GRIA1: variants seen among roughly 807,000 people sequenced by gnomAD.
The protein encoded by GRIA1 is glutamate receptor 1.
A neutral mutation model predicts 99.2 loss-of-function variants in GRIA1; 31 were observed. That is an observed-to-expected ratio of 0.31 (90% CI 0.23 to 0.42). GRIA1 has a LOEUF of 0.42. GRIA1 is among the 10% of genes least tolerant of loss of function. The pLI is 1.00. For synonymous variants in GRIA1, 438 were observed against 432.4 expected, an observed-to-expected ratio of 1.01 and a Z score of -0.16; for missense variants, 782 against 1,157.5, an observed-to-expected ratio of 0.68 and a Z score of 4.71.
chr5:153,754,880 G>A (rs1284049043), intron 11 of GRIA1, among the ~76,000 whole-genome samples: 1 of 152,122 alleles, frequency 6.6e-6, no homozygotes, highest in Non-Finnish European at 1.5e-5. Context: ...TGGTGTAAGG[G>A]AAAAAAGACA....
At chr5:153,779,804 T>C (rs1053620229) in intron 13 of GRIA1, among the ~76,000 whole-genome samples, 1 of 152,108 alleles carries the variant, frequency 6.6e-6, no homozygotes, top group South Asian at 2.1e-4. Flanking sequence ...TCATGATCCA[T>C]CCGCCTCGGC....
At chr5:153,777,910 A>T (rs1764366497) in intron 13 of GRIA1, among the ~76,000 whole-genome samples, 1 of 152,160 alleles carries the variant, frequency 6.6e-6, no homozygotes, top group Non-Finnish European at 1.5e-5. Flanking sequence ...AGTCCCTTTC[A>T]ATTAGTCCTT....
intron 11 of GRIA1, among the ~76,000 whole-genome samples, chr5:153,747,892 A>AAAT (rs1243148519): frequency 1.3e-5 from 2 of 152,314 alleles, no homozygotes; most frequent in East Asian, 3.9e-4. Context: ...CTCTTCTATT[A>AAAT]AATTGATTTT....
rs545158298 is a variant in GRIA1 at position 153,534,271 on chromosome 5, G to T, written c.220+40206G>T. Among the ~76,000 whole-genome samples, 257 of 152,288 alleles carry T rather than the reference G, an allele frequency of 1.7e-3. 2 individuals are homozygous for T. The highest frequency in any genetic ancestry group is 5.7e-3 in the African/African-American group (235 of 41,560). ...TCAGCTTGTCTTGCTGAACAGTCAG[G>T]TTACTTTCCCTCAGTATTTGATGCC... On this transcript the variant is annotated intron_variant, in intron 2 of 15. Coordinates refer to ENST00000285900, the MANE Select transcript of GRIA1 (RefSeq NM_000827.4).
At position 153,800,493 on chromosome 5, in the gene GRIA1, T is replaced by G. The variant is rs72804632; in HGVS notation, c.2386-1863T>G. ...GCACATTACCCTTATCAGGCCATTA[T>G]AGAAGAGCAGGAGAAATTTTGCCCC... On this transcript the variant is annotated intron_variant, in intron 14 of 15. Coordinates refer to ENST00000285900, the MANE Select transcript of GRIA1 (RefSeq NM_000827.4). Among the ~76,000 whole-genome samples, 1,416 of 152,358 alleles carry G rather than the reference T, an allele frequency of 9.3e-3. 15 individuals carry two copies. The highest frequency in any genetic ancestry group is 0.014 in the Non-Finnish European group (954 of 68,036).
At chr5:153,594,599 T>G (rs1220653604) in intron 2 of GRIA1, among the ~76,000 whole-genome samples, 5 of 152,066 alleles carry the variant, frequency 3.3e-5, no homozygotes, top group Non-Finnish European at 5.9e-5. Context: ...TTTCATTCAT[T>G]TGCTTGTTAA....
chr5:153,610,059 C>T (rs896413419), intron 2 of GRIA1, among the ~76,000 whole-genome samples: 1 of 152,136 alleles, frequency 6.6e-6, no homozygotes, highest in Admixed American at 6.5e-5. Context: ...TTTAGTGGGC[C>T]CAGAACTCCT....
At chr5:153,643,358 A>G (rs1753911328) in intron 2 of GRIA1, among the ~76,000 whole-genome samples, 1 of 152,322 alleles carries the variant, frequency 6.6e-6, no homozygotes, top group Admixed American at 6.5e-5. Flanking sequence ...ATAAAACCAA[A>G]AAGAGAATCG....
intron 11 of GRIA1, among the ~76,000 whole-genome samples, chr5:153,744,769 G>T (rs1195129423): frequency 6.6e-6 from 1 of 152,088 alleles, no homozygotes; most frequent in African/African-American, 2.4e-5. Context: ...AGACTGTACA[G>T]TTATTAGGTT....
At chr5:153,740,902 G>A (rs962436485) in intron 11 of GRIA1, among the ~76,000 whole-genome samples, 22 of 150,366 alleles carry the variant, frequency 1.5e-4, no homozygotes, top group Non-Finnish European at 2.1e-4. Flanking sequence ...CCATAGATAC[G>A]TAACCTGAGC....
At chr5:153,736,823 A>G (rs985527317) in intron 11 of GRIA1, among the ~76,000 whole-genome samples, 8 of 152,142 alleles carry the variant, frequency 5.3e-5, no homozygotes, top group Non-Finnish European at 1.2e-4. Context: ...TCCTACATCA[A>G]TCAAACTCCA....
chr5:153,742,844 C>T (rs1761903887), intron 11 of GRIA1, among the ~76,000 whole-genome samples: 1 of 152,226 alleles, frequency 6.6e-6, no homozygotes, highest in Admixed American at 6.5e-5. Flanking sequence ...TTGAGTCCAC[C>T]TGGAAAATCT....
At chr5:153,602,470 T>C (rs1350307277) in intron 2 of GRIA1, among the ~76,000 whole-genome samples, 1 of 152,018 alleles carries the variant, frequency 6.6e-6, no homozygotes. Context: ...GCATGGCACA[T>C]GTATACATAT....
At chr5:153,805,698 C>A (rs1766379675) in intron 15 of GRIA1, among the ~76,000 whole-genome samples, 2 of 152,172 alleles carry the variant, frequency 1.3e-5, no homozygotes, top group African/African-American at 4.8e-5. Context: ...ACCATGTTGA[C>A]CTTCACTGAA....
At chr5:153,592,180 T>G (rs1036198508) in intron 2 of GRIA1, among the ~76,000 whole-genome samples, 4 of 152,228 alleles carry the variant, frequency 2.6e-5, no homozygotes, top group Non-Finnish European at 5.9e-5. Context: ...AGCAAGAGGC[T>G]GTATTCCTTG....
intron 11 of GRIA1, 27 bp downstream of exon 11, chr5:153,706,094 G>T (rs769403060): frequency 6.3e-7 from 1 of 1,597,592 alleles, no homozygotes; most frequent in Non-Finnish European, 8.6e-7. Context: ...CAATCCCTTT[G>T]CCTAATGCTA....
chr5:153,715,723 T>C lies in GRIA1; in HGVS notation c.1823+9656T>C, dbSNP rs114507515. 2.5e-3 allele frequency among the ~76,000 whole-genome samples: 388 copies of C among 152,308 alleles called. 3 individuals carry two copies. Among genetic ancestry groups the C allele is most frequent in the African/African-American group, 8.6e-3 (358 of 41,574 alleles). The stretch of plus-strand genomic sequence containing the variant: ...ATCTTAAATCTTCAACCCTGCACTA[T>C]AGTTACCATGTCTGTTTCTTATTGA... On this transcript the variant is annotated intron_variant, in intron 11 of 15. Coordinates refer to ENST00000285900, the MANE Select transcript of GRIA1 (RefSeq NM_000827.4).
chr5:153,654,554 G>C (rs1754801027), intron 4 of GRIA1, among the ~76,000 whole-genome samples: 1 of 152,096 alleles, frequency 6.6e-6, no homozygotes, highest in Non-Finnish European at 1.5e-5. Flanking sequence ...AATAGTATTT[G>C]AGCTCCGTGG....
intron 11 of GRIA1, among the ~76,000 whole-genome samples, chr5:153,752,876 G>A (rs757492229): frequency 2.6e-5 from 4 of 152,184 alleles, no homozygotes; most frequent in Non-Finnish European, 4.4e-5. Flanking sequence ...CCAATCAGGT[G>A]AACTCTTAAT....
Sources: gnomAD v4.1 joint callset for allele counts (sites outside exome capture counted in the v4.1 genomes callset) on GRCh38, gnomAD v4.1.1 for gene constraint, MANE v1.5 for transcripts, NCBI Gene and HGNC (gene_info 2026-07-23, HGNC 2026-07-21) for gene names.